The following DPP10 variants were observed in gnomAD, a reference collection of about 807,000 sequenced individuals.
DPP10 encodes the protein dipeptidyl peptidase like 10, also known as inactive dipeptidyl peptidase 10.
DPP10 carries 33 observed loss-of-function variants against 120.9 expected under a neutral mutation model. The ratio of observed to expected loss-of-function variants is 0.27; its 90% CI spans 0.21 to 0.37. The LOEUF is 0.37. Among genes scored for constraint, DPP10 ranks in the 10% least tolerant of loss-of-function variants. DPP10 has a pLI of 1.00. For synonymous variants in DPP10, 337 were observed against 326.1 expected (o/e 1.03, Z -0.36); for missense variants, 816 against 942.8 (o/e 0.87, Z 1.76).
chr2:115,732,558 G>T (rs1439199206), intron 8 of DPP10, among the ~76,000 whole-genome samples: 1 of 152,110 alleles, frequency 6.6e-6, no homozygotes, highest in Non-Finnish European at 1.5e-5. Flanking sequence ...CACTTAAATT[G>T]CTGTATTTAA....
chr2:115,533,851 T>C (rs1243179818), intron 5 of DPP10, among the ~76,000 whole-genome samples: 1 of 152,028 alleles, frequency 6.6e-6, no homozygotes, highest in Non-Finnish European at 1.5e-5. Context: ...CTGAACTGCC[T>C]TCCTATGTAA....
At chr2:115,648,126 T>C (rs1266019082) in intron 5 of DPP10, among the ~76,000 whole-genome samples, 1 of 152,002 alleles carries the variant, frequency 6.6e-6, no homozygotes, top group African/African-American at 2.4e-5. Flanking sequence ...AGAAGAATTC[T>C]CCACCAGAGC....
At chr2:115,568,871 T>A (rs1575202706) in intron 5 of DPP10, among the ~76,000 whole-genome samples, 1 of 152,188 alleles carries the variant, frequency 6.6e-6, no homozygotes, top group African/African-American at 2.4e-5. Context: ...ATTGGCCACA[T>A]TGGGCCAATT....
At chr2:115,167,514 G>A (rs1461669430) in intron 1 of DPP10, among the ~76,000 whole-genome samples, 1 of 151,786 alleles carries the variant, frequency 6.6e-6, no homozygotes, top group African/African-American at 2.4e-5. Context: ...GGCTGCGGTG[G>A]GAGGATTGCT....
At chr2:115,109,255 C>T (rs778818583) in intron 1 of DPP10, among the ~76,000 whole-genome samples, 8 of 152,110 alleles carry the variant, frequency 5.3e-5, no homozygotes, top group Non-Finnish European at 7.4e-5. Flanking sequence ...TCAACATTGG[C>T]GGCCAGGCAT....
At position 114,509,545 on chromosome 2, in the gene DPP10, G is replaced by A. The variant is rs115590833; in HGVS notation, c.60+66707G>A. Among the ~76,000 whole-genome samples, 660 of 152,300 alleles carry A rather than the reference G, an allele frequency of 4.3e-3. 1 individual carries two copies. Among genetic ancestry groups the A allele is most frequent in the African/African-American group, 0.012 (490 of 41,568 alleles). ...CCCAAGGTCTCTGATGGAAATAGCA[G>A]TCCCATGCTGGACCCTGGGTGTGAC... On this transcript the variant is annotated intron_variant, in intron 1 of 25. Transcript: ENST00000410059.
At chr2:114,493,832 G>C (rs947927211) in intron 1 of DPP10, among the ~76,000 whole-genome samples, 1 of 152,088 alleles carries the variant, frequency 6.6e-6, no homozygotes, top group Admixed American at 6.6e-5. Context: ...GGCCATGAAC[G>C]ATGGTAAAAT....
At position 115,480,501 on chromosome 2, in the gene DPP10, T is replaced by C. The variant is rs74926655; in HGVS notation, c.272-19009T>C. Among the ~76,000 whole-genome samples, 8 of 152,280 alleles carry C rather than the reference T, an allele frequency of 5.3e-5. No homozygotes were observed. In the East Asian group the frequency reaches 1.5e-3, roughly 29 times the overall value. ...ATTCATTCTATTGTTGCTTGTTGGT[T>C]CTATCAGAACACTTTGATAGGAACA... is the stretch of plus-strand genomic sequence containing the variant. On this transcript the variant is annotated intron_variant, in intron 3 of 25. Transcript: ENST00000410059.
At chr2:114,942,376 CACAT>C (rs1327822019) in intron 1 of DPP10, among the ~76,000 whole-genome samples, 2 of 57,298 alleles carry the variant, frequency 3.5e-5, no homozygotes, top group Non-Finnish European at 6.4e-5. Context: ...TATATACACA[CACAT>C]ATATATATAT....
chr2:115,344,135 CAAAA>C (rs751004918), intron 3 of DPP10, among the ~76,000 whole-genome samples: 1 of 49,276 alleles, frequency 2.0e-5, no homozygotes, highest in African/African-American at 6.9e-5. Flanking sequence ...GACTCCATCT[CAAAA>C]AAAAAAAAAA....
chr2:114,946,434 T>C (rs958066722), intron 1 of DPP10, among the ~76,000 whole-genome samples: 1 of 152,178 alleles, frequency 6.6e-6, no homozygotes, highest in Non-Finnish European at 1.5e-5. Flanking sequence ...GTAACACTAC[T>C]AATTTATACA....
chr2:114,819,592 G>C lies in DPP10; in HGVS notation c.60+376754G>C, dbSNP rs1412156803. Reference sequence around the variant, plus strand: ...TAATTTTGAAAGCAGATGTTTGATTGCTTGTTTAAAGCCTGCGTAAAAAAC... The same window carrying C: ...TAATTTTGAAAGCAGATGTTTGATTCCTTGTTTAAAGCCTGCGTAAAAAAC... On this transcript the variant is annotated intron_variant, in intron 1 of 25. Coordinates refer to ENST00000410059, the MANE Select transcript of DPP10 (RefSeq NM_020868.6). Among the ~76,000 whole-genome samples, 7 of 152,280 alleles carry C rather than the reference G, an allele frequency of 4.6e-5. No homozygotes were observed. The East Asian group carries it at 7.7e-4, about 17-fold the overall frequency.
At chr2:115,606,226 C>T (rs571306353) in intron 5 of DPP10, among the ~76,000 whole-genome samples, 161 of 152,094 alleles carry the variant, frequency 1.1e-3, no homozygotes, top group African/African-American at 3.7e-3. Context: ...AGTCTTAATT[C>T]TTGAGAGAAA....
chr2:114,476,343 T>C (rs1248290608), intron 1 of DPP10, among the ~76,000 whole-genome samples: 1 of 152,190 alleles, frequency 6.6e-6, no homozygotes, highest in Non-Finnish European at 1.5e-5. Context: ...GATATCCCTA[T>C]CTTCAAGTAC....
At chr2:115,772,014 A>G (rs1056653083) in intron 13 of DPP10, among the ~76,000 whole-genome samples, 1 of 150,550 alleles carries the variant, frequency 6.6e-6, no homozygotes, top group Non-Finnish European at 1.5e-5. Flanking sequence ...TTTTTTCCTC[A>G]TTTACAAGAG....
At chr2:115,800,477 T>C (rs1010296249) in intron 19 of DPP10, among the ~76,000 whole-genome samples, 2 of 152,202 alleles carry the variant, frequency 1.3e-5, no homozygotes, top group Non-Finnish European at 2.9e-5. Context: ...TTGTTGCCAT[T>C]GCTTTTGGTA....
intron 1 of DPP10, among the ~76,000 whole-genome samples, chr2:114,924,839 A>C (rs1326519930): frequency 2.0e-5 from 3 of 152,238 alleles, no homozygotes; most frequent in Non-Finnish European, 4.4e-5. Flanking sequence ...CAGCATTTAC[A>C]GGAGTAAAAC....
At chr2:115,288,575 G>A (rs1271780979) in intron 1 of DPP10, among the ~76,000 whole-genome samples, 1 of 151,650 alleles carries the variant, frequency 6.6e-6, no homozygotes, top group Admixed American at 6.6e-5. Context: ...ATAAAAATTA[G>A]CCAGGCCTGG....
intron 5 of DPP10, among the ~76,000 whole-genome samples, chr2:115,636,205 C>T (rs1347179056): frequency 6.6e-6 from 1 of 151,058 alleles, no homozygotes; most frequent in African/African-American, 2.4e-5. Context: ...AGACAGCTAC[C>T]CTGGGCTTCT....
Sources: allele counts gnomAD v4.1 joint callset (sites outside exome capture counted in the v4.1 genomes callset), GRCh38; gene constraint gnomAD v4.1.1; transcripts MANE v1.5; gene names NCBI Gene and HGNC (gene_info 2026-07-23, HGNC 2026-07-21).